Variants in WASHC5 observed in about 807,000 individuals in gnomAD.
The protein encoded by WASHC5 is WASH complex subunit strumpellin.
In WASHC5, 101 loss-of-function variants were observed where a neutral mutation model predicts 150.4. The observed-to-expected ratio is 0.67, with a 90% CI of 0.57 to 0.79. The LOEUF (loss-of-function observed/expected upper bound fraction) is 0.79. Ranked by LOEUF, WASHC5 falls within the 30% of genes least tolerant of loss-of-function variation. The pLI, the probability that WASHC5 is intolerant of heterozygous loss-of-function variation, is 0.00. For missense variants in WASHC5, 1,195 were observed against 1,396.3 expected (o/e 0.86, Z 2.30); for synonymous variants, 467 against 491.2 (o/e 0.95, Z 0.65).
chr8:125,037,214 C>T (rs1462687367), intron 26 of WASHC5, 23 bp downstream of exon 26: 2 of 1,370,038 alleles, frequency 1.5e-6, no homozygotes, highest in Admixed American at 3.4e-5. Flanking sequence ...TTACTCATTG[C>T]AAATAATAAA....
intron 11 of WASHC5, among the ~76,000 whole-genome samples, chr8:125,062,396 T>C (rs946489751): frequency 6.6e-6 from 1 of 152,122 alleles, no homozygotes; most frequent in Admixed American, 6.5e-5. Flanking sequence ...TGAAACAAAG[T>C]TGGTATTTGT....
At chr8:125,089,367 T>A (rs1817525853) in intron 1 of WASHC5, among the ~76,000 whole-genome samples, 1 of 152,084 alleles carries the variant, frequency 6.6e-6, no homozygotes, top group African/African-American at 2.4e-5. Context: ...ACACATAAAA[T>A]ACACTAACAC....
Position 125,083,889 on chromosome 8 carries a change from A to G in WASHC5, c.10T>C (p.Phe4Leu). 1 of 1,613,884 alleles carries G rather than the reference A, an allele frequency of 6.2e-7. No individual in the cohort carries two copies. Among genetic ancestry groups the G allele is most frequent in the Non-Finnish European group, 8.5e-7 (1 of 1,179,900 alleles). ...CCACAGAGGTTGTTCTCGGCTAGAAAGTCCAACATTGTGAGGCGGACCGAC... is the reference window on the plus strand; with the variant it reads ...CCACAGAGGTTGTTCTCGGCTAGAAGGTCCAACATTGTGAGGCGGACCGAC... MLD[F>L]LAENNLCGQA... Residue 4 changes from phenylalanine to leucine, a missense_variant, in exon 2 of 29, where the codon TTT (phenylalanine) becomes CTT (leucine). By Grantham distance (22) the Phe-to-Leu change is conservative. Around this residue, in one of 3 missense-constraint regions of WASHC5, gnomAD observed 195 missense variants for 206.9 expected, o/e 0.94. Coordinates refer to ENST00000318410, the MANE Select transcript of WASHC5 (RefSeq NM_014846.4).
At chr8:125,078,518 C>T (rs1817130037) in intron 6 of WASHC5, among the ~76,000 whole-genome samples, 1 of 152,188 alleles carries the variant, frequency 6.6e-6, no homozygotes, top group South Asian at 2.1e-4. Flanking sequence ...GCATCTTCTT[C>T]CCAATAGCTC....
At chr8:125,084,747 C>G (rs1330798102) in intron 1 of WASHC5, among the ~76,000 whole-genome samples, 1 of 152,192 alleles carries the variant, frequency 6.6e-6, no homozygotes, top group African/African-American at 2.4e-5. Flanking sequence ...CCCAACCACT[C>G]CTTGCTGAAT....
chr8:125,029,679 G>C (rs1815471582), intron 27 of WASHC5, among the ~76,000 whole-genome samples: 1 of 152,222 alleles, frequency 6.6e-6, no homozygotes, highest in Admixed American at 6.5e-5. Context: ...TTCCAGAGCT[G>C]GGAATACAGC....
At chr8:125,089,753 C>T (rs1029294514) in intron 1 of WASHC5, among the ~76,000 whole-genome samples, 14 of 152,166 alleles carry the variant, frequency 9.2e-5, no homozygotes, top group African/African-American at 1.4e-4. Flanking sequence ...TCAAGACTTT[C>T]GTGTGTCAAT....
At chr8:125,069,945 C>A (rs1191748707) in intron 9 of WASHC5, among the ~76,000 whole-genome samples, 1 of 152,204 alleles carries the variant, frequency 6.6e-6, no homozygotes, top group Non-Finnish European at 1.5e-5. Flanking sequence ...AGTTGTTGGA[C>A]AAACACTCTG....
rs1362286755 is a variant in WASHC5, at chr8:125,078,923, G to A, written c.526C>T (p.Arg176Ter). ...LVSYYRYSAA[R>*]SSADSNMDDI... ...TCCATATTTGAATCAGCAGAAGATC[G>A]AGCAGCACTGAGTCATATTCACAAT... Residue 176 changes from arginine to a stop codon, truncating the protein, a stop_gained, in exon 6 of 29, where the codon CGA (arginine) becomes TGA (stop). Coordinates refer to ENST00000318410, the MANE Select transcript of WASHC5 (RefSeq NM_014846.4). LOFTEE classifies it high-confidence loss of function. 5 of 1,613,224 alleles carry A rather than the reference G, an allele frequency of 3.1e-6. No individual in the cohort carries two copies. The highest frequency in any genetic ancestry group is 4.2e-6 in the Non-Finnish European group (5 of 1,179,562).
intron 11 of WASHC5, among the ~76,000 whole-genome samples, chr8:125,061,981 C>G (rs538245256): frequency 2.6e-4 from 39 of 152,296 alleles, no homozygotes; most frequent in African/African-American, 8.7e-4. Flanking sequence ...AAACTCTGTG[C>G]TCTTTACCTC....
Position 125,039,811 on chromosome 8 carries a change from G to A in WASHC5, c.2938C>T (p.Leu980=). ...RFDSKHLAAA[L]ENLNKALLAD... is the part of the protein sequence containing the mutation. ...GGCACTTACTTATTGAGATTCTCCAGAGCAGCTGCCAGATGTTTAGAATCA... is the reference window on the plus strand; with the variant it reads ...GGCACTTACTTATTGAGATTCTCCAAAGCAGCTGCCAGATGTTTAGAATCA... Residue 980 remains leucine, a synonymous_variant, in exon 24 of 29, where the codon CTG becomes TTG. Coordinates refer to ENST00000318410, the MANE Select transcript of WASHC5 (RefSeq NM_014846.4). The A allele has an allele frequency of 1.2e-6, 2 of 1,612,542 alleles. No homozygotes were observed. Among genetic ancestry groups the A allele is most frequent in the Non-Finnish European group, 1.7e-6 (2 of 1,178,626 alleles).
Position 125,024,574 on chromosome 8 carries a change from A to T in WASHC5, c.*43T>A, listed in dbSNP as rs748979437. The T allele has an allele frequency of 1.5e-6, 2 of 1,370,118 alleles. No homozygotes were observed. Among genetic ancestry groups the T allele is most frequent in the Middle Eastern group, 1.8e-4 (1 of 5,616 alleles). 84.9% of individuals were successfully genotyped at this position (1,370,118 alleles called of 1,614,324 possible). On this transcript the variant is annotated 3_prime_UTR_variant, in exon 29 of 29. Coordinates refer to ENST00000318410, the MANE Select transcript of WASHC5 (RefSeq NM_014846.4). The stretch of plus-strand genomic sequence containing the variant: ...TTCAAATTCATTTGTGATGGTGGGA[A>T]GATCTAAGGACAATCCTTCCATTGA...
At chr8:125,086,278 T>C (rs144495656) in intron 1 of WASHC5, among the ~76,000 whole-genome samples, 2 of 152,278 alleles carry the variant, frequency 1.3e-5, no homozygotes, top group African/African-American at 4.8e-5. Context: ...GCTATTTTCC[T>C]CCTGTGTCTT....
intron 21 of WASHC5, 50 bp downstream of exon 21, chr8:125,044,486 G>GCCTCT: frequency 6.3e-7 from 1 of 1,599,222 alleles, no homozygotes; most frequent in East Asian, 2.2e-5. Flanking sequence ...ATATGTTCTT[G>GCCTCT]CCTCTCCCCC....
At chr8:125,073,421 A>G (rs1463201334) in intron 8 of WASHC5, 97 bp from the exon 9 acceptor site, 2 of 1,017,232 alleles carry the variant, frequency 2.0e-6, no homozygotes, top group Non-Finnish European at 3.0e-6. Context: ...TAACATTTCT[A>G]TATAGGATGA....
At chr8:125,091,001 A>C (rs561326560) in intron 1 of WASHC5, among the ~76,000 whole-genome samples, 2 of 152,154 alleles carry the variant, frequency 1.3e-5, no homozygotes, top group African/African-American at 4.8e-5. Flanking sequence ...ACTACGCCTC[A>C]CCTATGTTTG....
At chr8:125,064,504 G>A (rs148134997) in intron 10 of WASHC5, among the ~76,000 whole-genome samples, 52 of 151,618 alleles carry the variant, frequency 3.4e-4, no homozygotes, top group African/African-American at 1.2e-3. Context: ...TTATAGGCAT[G>A]AGCCACTGTA....
At position 125,057,651 on chromosome 8, in the gene WASHC5, C is replaced by T. The variant is rs756495338; in HGVS notation, c.1780G>A (p.Asp594Asn). Residue 594 changes from aspartate (D) to asparagine (N), a missense_variant, in exon 15 of 29, where the codon GAT (aspartate) becomes AAT (asparagine). By Grantham distance (23) the Asp-to-Asn change is conservative. This residue lies in a region of WASHC5 where 997 missense variants were observed against 1,168.1 expected (regional missense o/e 0.85). Transcript: ENST00000318410. ...TGATTAATACGAAGAAGGGGCAGAT[C>T]GAGGGCAGAGGCAAGCTGGAAGAAA... is the stretch of plus-strand genomic sequence containing the variant. ...ATFLKLASAL[D>N]LPLLRINQAN... The T allele has an allele frequency of 1.2e-5, 20 of 1,612,472 alleles. No homozygotes were observed. Among genetic ancestry groups the T allele is most frequent in the Admixed American group, 1.7e-5 (1 of 59,934 alleles).
In WASHC5 at chr8:125,075,180, G is replaced by C; in HGVS notation, c.865-69C>G. On this transcript the variant is annotated intron_variant, in intron 7 of 28. Coordinates refer to ENST00000318410, the MANE Select transcript of WASHC5 (RefSeq NM_014846.4). ...TCAAGGCAAAGGGTTGAATACTAAAGTTATAGAAGGCAATACCCACTCCAT... is the reference window on the plus strand; with the variant it reads ...TCAAGGCAAAGGGTTGAATACTAAACTTATAGAAGGCAATACCCACTCCAT... 5 of 967,632 alleles carry C rather than the reference G, an allele frequency of 5.2e-6. No homozygotes were observed. In the South Asian group the frequency reaches 6.4e-5, roughly 12 times the overall value. 59.9% of individuals were successfully genotyped at this position (967,632 alleles called of 1,614,324 possible). A position where few individuals can be genotyped will look rare whatever the true frequency, so the allele number is the denominator to read the frequency against.
Sources: gnomAD v4.1 joint callset for allele counts (sites outside exome capture counted in the v4.1 genomes callset) on GRCh38, gnomAD v4.1.1 for gene constraint, gnomAD v4.1.1 regional missense constraint, MANE v1.5 for transcripts, NCBI Gene and HGNC (gene_info 2026-07-23, HGNC 2026-07-21) for gene names.